The following NPL variants were observed in gnomAD, a reference collection of about 807,000 sequenced individuals.
NPL encodes the protein N-acetylneuraminate pyruvate lyase.
Under a neutral mutation model 41.1 loss-of-function variants are expected in NPL, and 32 were observed. That is an observed-to-expected ratio of 0.78 (90% CI 0.59 to 1.05). The LOEUF (loss-of-function observed/expected upper bound fraction) is 1.05. Ranked by LOEUF, NPL falls within the 50% of genes least tolerant of loss-of-function variation. The pLI, the probability that NPL is intolerant of heterozygous loss-of-function variation, is 0.00. For synonymous variants in NPL, 128 were observed against 134.9 expected, an observed-to-expected ratio of 0.95 and a Z score of 0.35; for missense variants, 321 against 378.4, an observed-to-expected ratio of 0.85 and a Z score of 1.26.
intron 3 of NPL, among the ~76,000 whole-genome samples, chr1:182,803,073 T>C (rs1204517625): frequency 1.3e-5 from 2 of 152,224 alleles, no homozygotes; most frequent in Non-Finnish European, 2.9e-5. Flanking sequence ...TATTAAGTGC[T>C]AAAATTCTTA....
At chr1:182,808,729 C>A (rs1667091975) in intron 5 of NPL, among the ~76,000 whole-genome samples, 1 of 151,984 alleles carries the variant, frequency 6.6e-6, no homozygotes, top group Admixed American at 6.6e-5. Flanking sequence ...CCAAGGCAGG[C>A]AGATTGCTTA....
At chr1:182,820,102 C>T (rs760395935) in intron 10 of NPL, among the ~76,000 whole-genome samples, 6 of 152,206 alleles carry the variant, frequency 3.9e-5, no homozygotes, top group Non-Finnish European at 7.3e-5. Context: ...TGCACATGGC[C>T]AGTCATGGCT....
intron 5 of NPL, among the ~76,000 whole-genome samples, chr1:182,810,549 T>G (rs1037416782): frequency 6.6e-5 from 10 of 152,206 alleles, no homozygotes; most frequent in Admixed American, 6.5e-5. Context: ...AATCAATTAT[T>G]GCTTTTCAAG....
intron 5 of NPL, among the ~76,000 whole-genome samples, chr1:182,808,153 A>T (rs1667076224): frequency 6.6e-6 from 1 of 152,218 alleles, no homozygotes; most frequent in South Asian, 2.1e-4. Context: ...AATAGAAGTA[A>T]TAATCATATC....
rs1667698402 is a variant in NPL, at chr1:182,828,855, G to A, written c.910G>A (p.Asp304Asn). ...DSAEAKLKSL[D>N]FLSFTDLKDG... ...TGCTGAAGCTAAACTGAAGAGCCTGGATTTCCTTTCTTTCACTGATTTAAA... is the reference window on the plus strand; with the variant it reads ...TGCTGAAGCTAAACTGAAGAGCCTGAATTTCCTTTCTTTCACTGATTTAAA... Residue 304 changes from aspartate to asparagine, a missense_variant, in exon 13 of 13, where the codon GAT becomes AAT. By Grantham distance (23) the Asp-to-Asn change is conservative (BLOSUM62 1). Coordinates refer to ENST00000367553, the MANE Select transcript of NPL (RefSeq NM_030769.3). This position sits in a 1 kb window ranked among gnomAD's most constrained non-coding sequence, Gnocchi z 4.0. 1 of 1,614,208 alleles carries A rather than the reference G, an allele frequency of 6.2e-7. No homozygotes were observed. Among genetic ancestry groups the A allele is most frequent in the Admixed American group, 1.7e-5 (1 of 60,030 alleles).
intron 3 of NPL, among the ~76,000 whole-genome samples, chr1:182,798,916 A>T (rs1221224885): frequency 6.6e-6 from 1 of 152,220 alleles, no homozygotes; most frequent in African/African-American, 2.4e-5. Flanking sequence ...AGTGCATATA[A>T]CTGCTATCTG....
Position 182,812,225 on chromosome 1 carries a change from G to C in NPL, c.288+12G>C, listed in dbSNP as rs565831079. ...AGTCACAGGAACTGGTATGTATGCA[G>C]TTCCATCTGGGAGAGACCATTCAAG... On this transcript the variant is annotated intron_variant, in intron 6 of 12. Coordinates refer to ENST00000367553, the MANE Select transcript of NPL (RefSeq NM_030769.3). The C allele has an allele frequency of 1.2e-6, 2 of 1,612,004 alleles. No homozygotes were observed. Among genetic ancestry groups the C allele is most frequent in the South Asian group, 2.2e-5 (2 of 91,058 alleles).
intron 3 of NPL, among the ~76,000 whole-genome samples, chr1:182,796,166 C>A (rs201692978): frequency 0.024 from 2,395 of 101,892 alleles, no homozygotes; most frequent in East Asian, 0.028. Context: ...GGTGTGAAAT[C>A]AAAAAAAAAA....
chr1:182,816,666 A>AG (rs1667340024), intron 7 of NPL, 48 bp from the exon 8 acceptor site: 1 of 1,316,476 alleles, frequency 7.6e-7, no homozygotes, highest in African/African-American at 1.5e-5. Flanking sequence ...CAGGAAAGCC[A>AG]CTGTTTTACA....
intron 10 of NPL, 137 bp from the exon 11 acceptor site, chr1:182,821,978 C>A: frequency 1.4e-6 from 1 of 711,862 alleles, no homozygotes; most frequent in Non-Finnish European, 2.6e-6. Flanking sequence ...GTCTTGTCCC[C>A]TAATAGATTA....
chr1:182,808,488 A>AT (rs1408563587), intron 5 of NPL, among the ~76,000 whole-genome samples: 2 of 152,152 alleles, frequency 1.3e-5, no homozygotes, highest in Non-Finnish European at 2.9e-5. Context: ...AGTGCAGCTG[A>AT]TCCTCACAAA....
chr1:182,803,099 C>T (rs1019416980), intron 3 of NPL, among the ~76,000 whole-genome samples: 2 of 152,192 alleles, frequency 1.3e-5, no homozygotes, highest in African/African-American at 4.8e-5. Context: ...TTAAGATTGA[C>T]TTTTCCTATC....
At chr1:182,806,396 G>C in intron 5 of NPL, 164 bp downstream of exon 5, 1 of 1,543,006 alleles carries the variant, frequency 6.5e-7, no homozygotes, top group Non-Finnish European at 8.7e-7. Flanking sequence ...TCTTGGAGAA[G>C]AGCCCCCTCC....
rs976544268 is a variant in NPL at position 182,806,442 on chromosome 1, C to T, written c.230+210C>T. The T allele has an allele frequency of 1.3e-5, 20 of 1,536,836 alleles. No homozygotes were observed. The African/African-American group carries it at 1.8e-4, about 14-fold the overall frequency. On this transcript the variant is annotated intron_variant, in intron 5 of 12. Coordinates refer to ENST00000367553, the MANE Select transcript of NPL (RefSeq NM_030769.3). ...AGAAGGGCAGCCAAACTGCTAGACA[C>T]ACCTGCCACCCAGAGGTTCCGCTGG... is the stretch of plus-strand genomic sequence containing the variant.
At chr1:182,791,731 G>A (rs1023361168) in intron 1 of NPL, among the ~76,000 whole-genome samples, 1 of 152,162 alleles carries the variant, frequency 6.6e-6, no homozygotes, top group Non-Finnish European at 1.5e-5. Context: ...ACCGTCCTTA[G>A]TATCAAATAA....
rs1557943485 is a variant in NPL at position 182,803,727 on chromosome 1, AT to A, written c.99del (p.Tyr33Ter). ...ATCAACTTTTCAGTAATTGGTCAGT[AT>A]GTGGATTATCTTGTGAAAGAACAGG... The part of the protein sequence containing the change: ...GEINFSVIGQ[Y>X]VDYLVKEQGV... On this transcript the variant is annotated frameshift_variant, in exon 4 of 13. Coordinates refer to ENST00000367553, the MANE Select transcript of NPL (RefSeq NM_030769.3). LOFTEE classifies it high-confidence loss of function. The A allele has an allele frequency of 6.2e-7, 1 of 1,613,358 alleles. No individual in the cohort carries two copies.
intron 8 of NPL, among the ~76,000 whole-genome samples, 189 bp from the exon 9 acceptor site, chr1:182,818,352 T>C (rs1667391909): frequency 6.6e-6 from 1 of 152,198 alleles, no homozygotes; most frequent in Non-Finnish European, 1.5e-5. Context: ...CTTCAAGGAA[T>C]GGGAAGTTTA....
intron 10 of NPL, among the ~76,000 whole-genome samples, chr1:182,819,918 T>A (rs1326649857): frequency 2.0e-5 from 3 of 152,234 alleles, no homozygotes; most frequent in Non-Finnish European, 4.4e-5. Context: ...AAGAGGAGGA[T>A]GTACAACCAG....
In NPL at chr1:182,828,624, G is replaced by A; in HGVS notation, c.779-100G>A. Reference sequence around the variant, plus strand: ...CCATCTTTTGTTTTAATCTTACCCTGTTGTAGTAGTTGCTGTTAGCATATG... The same window carrying A: ...CCATCTTTTGTTTTAATCTTACCCTATTGTAGTAGTTGCTGTTAGCATATG... On this transcript the variant is annotated intron_variant, in intron 12 of 12. Transcript: ENST00000367553. The surrounding 1 kb of genome is among the most constrained non-coding windows in gnomAD (Gnocchi z 4.0). 1 of 1,448,168 alleles carries A rather than the reference G, an allele frequency of 6.9e-7. No individual in the cohort carries two copies. Among genetic ancestry groups the A allele is most frequent in the Admixed American group, 1.9e-5 (1 of 53,742 alleles). 89.7% of individuals were successfully genotyped at this position (1,448,168 alleles called of 1,614,324 possible).
Sources: gnomAD v4.1 joint callset for allele counts (sites outside exome capture counted in the v4.1 genomes callset) on GRCh38, gnomAD v4.1.1 for gene constraint, Gnocchi (gnomAD v3.1) non-coding constraint, MANE v1.5 for transcripts, NCBI Gene and HGNC (gene_info 2026-07-23, HGNC 2026-07-21) for gene names.